The following ITSN1 variants were observed in gnomAD, a reference collection of about 807,000 sequenced individuals.
ITSN1 encodes intersectin-1.
Under a neutral mutation model 239.8 loss-of-function variants are expected in ITSN1, and 58 were observed. That is an observed-to-expected ratio of 0.24 (90% CI 0.20 to 0.30). The LOEUF (loss-of-function observed/expected upper bound fraction) is 0.30, where lower values mean the gene tolerates loss of function less well. Among genes scored for constraint, ITSN1 ranks in the 10% least tolerant of loss-of-function variants. The pLI is 1.00. For missense variants in ITSN1, 1,558 were observed against 2,103.3 expected, an observed-to-expected ratio of 0.74 and a Z score of 5.07; for synonymous variants, 780 against 770.8, an observed-to-expected ratio of 1.01 and a Z score of -0.20.
chr21:33,757,623 C>A (rs140179169), intron 8 of ITSN1, among the ~76,000 whole-genome samples: 5 of 152,060 alleles, frequency 3.3e-5, no homozygotes, highest in Non-Finnish European at 7.4e-5. Context: ...ATGGAAACAG[C>A]TGATTTGTTG....
In ITSN1 at chr21:33,864,312, T is replaced by C. The variant is rs566248924; in HGVS notation, c.3891-839T>C. 1.1e-4 allele frequency among the ~76,000 whole-genome samples: 16 copies of C among 152,340 alleles called. No individual in the cohort carries two copies. In the South Asian group the frequency reaches 1.7e-3, roughly 16 times the overall value. Reference sequence around the variant, plus strand: ...AGCTGAACACACCCATGGCTTCATGTTGTGGTCCTGCCATGTAGTACCTTG... The same window carrying C: ...AGCTGAACACACCCATGGCTTCATGCTGTGGTCCTGCCATGTAGTACCTTG... On this transcript the variant is annotated intron_variant, in intron 31 of 39. Coordinates refer to ENST00000381318, the MANE Select transcript of ITSN1 (RefSeq NM_003024.3).
At chr21:33,852,647 G>A (rs1161585991) in intron 29 of ITSN1, among the ~76,000 whole-genome samples, 2 of 152,024 alleles carry the variant, frequency 1.3e-5, no homozygotes, top group African/African-American at 2.4e-5. Flanking sequence ...TCTAAGGGAC[G>A]GCACACAGAT....
chr21:33,683,811 A>C (rs1233895214), intron 1 of ITSN1, among the ~76,000 whole-genome samples: 1 of 152,190 alleles, frequency 6.6e-6, no homozygotes, highest in Non-Finnish European at 1.5e-5. Context: ...ACCAGTTTTC[A>C]TTTGCATTTT....
chr21:33,826,391 G>A (rs991676933), intron 25 of ITSN1, among the ~76,000 whole-genome samples: 10 of 152,160 alleles, frequency 6.6e-5, no homozygotes, highest in Admixed American at 2.0e-4. Flanking sequence ...TGTTAAAACC[G>A]GGTAGTAGGC....
intron 39 of ITSN1, among the ~76,000 whole-genome samples, chr21:33,887,408 C>T (rs1985965687): frequency 6.6e-6 from 1 of 151,972 alleles, no homozygotes; most frequent in African/African-American, 2.4e-5. Flanking sequence ...CTAGCATTAT[C>T]TGTACAAGGT....
intron 5 of ITSN1, among the ~76,000 whole-genome samples, chr21:33,746,941 G>T (rs576705061): frequency 6.6e-6 from 1 of 152,202 alleles, no homozygotes; most frequent in South Asian, 2.1e-4. Context: ...ATCACCCGAG[G>T]TTAGAAGTTG....
At chr21:33,703,615 G>A (rs910143480) in intron 1 of ITSN1, among the ~76,000 whole-genome samples, 1 of 152,180 alleles carries the variant, frequency 6.6e-6, no homozygotes, top group African/African-American at 2.4e-5. Context: ...GTGTGGCAAA[G>A]AAGGAAACAA....
intron 5 of ITSN1, 162 bp from the exon 6 acceptor site, chr21:33,749,981 A>G (rs924107492): frequency 4.5e-6 from 3 of 661,168 alleles, no homozygotes; most frequent in South Asian, 1.9e-5. Context: ...GATCCTTGAC[A>G]TAATTTTTGT....
At chr21:33,691,439 G>T (rs2091543169) in intron 1 of ITSN1, among the ~76,000 whole-genome samples, 1 of 152,198 alleles carries the variant, frequency 6.6e-6, no homozygotes. Context: ...TGTTAAAATA[G>T]TTAGGAAGAC....
At chr21:33,736,480 A>C (rs1569058634) in intron 5 of ITSN1, among the ~76,000 whole-genome samples, 1 of 152,246 alleles carries the variant, frequency 6.6e-6, no homozygotes, top group Non-Finnish European at 1.5e-5. Context: ...CCAAGAAAAG[A>C]AAGAAAAATC....
At chr21:33,679,497 A>G (rs2090801855) in intron 1 of ITSN1, among the ~76,000 whole-genome samples, 1 of 152,200 alleles carries the variant, frequency 6.6e-6, no homozygotes, top group Non-Finnish European at 1.5e-5. Flanking sequence ...TTTAATCAGT[A>G]AATACAAAGA....
chr21:33,808,050 G>A (rs906833177), intron 20 of ITSN1, among the ~76,000 whole-genome samples: 2 of 152,162 alleles, frequency 1.3e-5, no homozygotes, highest in African/African-American at 4.8e-5. Flanking sequence ...AGCCGGGCGC[G>A]GTGGCGGGCG....
At chr21:33,677,426 G>A (rs1476835811) in intron 1 of ITSN1, among the ~76,000 whole-genome samples, 1 of 149,890 alleles carries the variant, frequency 6.7e-6, no homozygotes, top group Non-Finnish European at 1.5e-5. Flanking sequence ...TGCAAGCCTC[G>A]CCTCCCTGGT....
At chr21:33,719,179 G>A (rs983941476) in intron 2 of ITSN1, among the ~76,000 whole-genome samples, 4 of 152,148 alleles carry the variant, frequency 2.6e-5, no homozygotes, top group Non-Finnish European at 4.4e-5. Context: ...GGTGGCTCAC[G>A]CCTGTAATCC....
rs554671139 is a variant in ITSN1 at position 33,781,569 on chromosome 21, G to A, written c.1684+21G>A. Reference sequence around the variant, plus strand: ...GCACAGTAGGTGTTTTATTTTTAAAGTTGACCTTTTCTTTATTCTTTCTTT... The same window carrying A: ...GCACAGTAGGTGTTTTATTTTTAAAATTGACCTTTTCTTTATTCTTTCTTT... On this transcript the variant is annotated intron_variant, in intron 15 of 39. Transcript: ENST00000381318. 6.8e-6 allele frequency: 9 copies of A among 1,328,426 alleles called. No homozygotes were observed. The South Asian group carries it at 1.2e-4, about 18-fold the overall frequency. The allele number at this position is 1,328,426 out of a possible 1,614,324, so 82.3% of individuals were successfully genotyped here.
intron 1 of ITSN1, among the ~76,000 whole-genome samples, chr21:33,651,394 A>G (rs908076510): frequency 1.3e-5 from 2 of 152,180 alleles, no homozygotes; most frequent in Admixed American, 6.5e-5. Context: ...CCAGCTGTCT[A>G]TGGATGTTGA....
In ITSN1 at chr21:33,645,178, G is replaced by A. The variant is rs79789140; in HGVS notation, c.-33+2465G>A. ...AATTTGCTAACATTTGTGAGTTGTA[G>A]AGAATTGATGACACGAGAGTTGGGA... On this transcript the variant is annotated intron_variant, in intron 1 of 39. Transcript: ENST00000381318. 5.8e-3 allele frequency among the ~76,000 whole-genome samples: 883 copies of A among 152,278 alleles called. 4 individuals are homozygous for A. Among genetic ancestry groups the A allele is most frequent in the Non-Finnish European group, 9.4e-3 (638 of 68,030 alleles).
intron 11 of ITSN1, among the ~76,000 whole-genome samples, chr21:33,768,499 T>C (rs916000336): frequency 5.9e-5 from 9 of 152,186 alleles, no homozygotes; most frequent in African/African-American, 1.7e-4. Flanking sequence ...CAGGCTGATC[T>C]CAAACTCCTG....
chr21:33,885,586 AC>A, intron 38 of ITSN1, 64 bp downstream of exon 38: 2 of 1,212,118 alleles, frequency 1.7e-6, no homozygotes, highest in African/African-American at 1.5e-5. Context: ...GGTTCCCCAC[AC>A]CCCCACCTGG....
Sources: allele counts gnomAD v4.1 joint callset (sites outside exome capture counted in the v4.1 genomes callset), GRCh38; gene constraint gnomAD v4.1.1; transcripts MANE v1.5; gene names NCBI Gene and HGNC (gene_info 2026-07-23, HGNC 2026-07-21).